The following KIAA1671 variants were observed in gnomAD, a reference collection of about 807,000 sequenced individuals.
KIAA1671 encodes uncharacterized protein KIAA1671.
KIAA1671 carries 52 observed loss-of-function variants against 131.2 expected under a neutral mutation model. The ratio of observed to expected loss-of-function variants is 0.40; its 90% CI spans 0.32 to 0.50. The LOEUF (loss-of-function observed/expected upper bound fraction) is 0.50. KIAA1671 is among the 20% of genes least tolerant of loss of function. The pLI, the probability that KIAA1671 is intolerant of heterozygous loss-of-function variation, is 0.73. For missense variants in KIAA1671, 2,360 were observed against 2,364.2 expected, an observed-to-expected ratio of 1.00 and a Z score of 0.04; for synonymous variants, 1,003 against 961.6, an observed-to-expected ratio of 1.04 and a Z score of -0.80.
chr22:25,164,832 C>A (rs1433283819), intron 6 of KIAA1671, among the ~76,000 whole-genome samples: 1 of 151,956 alleles, frequency 6.6e-6, no homozygotes, highest in Non-Finnish European at 1.5e-5. Context: ...CCTGTAGTCC[C>A]AGCTATTCGG....
intron 11 of KIAA1671, chr22:25,185,469 G>T (rs1343309866): frequency 2.1e-5 from 5 of 235,908 alleles, no homozygotes; most frequent in Non-Finnish European, 4.1e-5. Flanking sequence ...CTTCCCCTTT[G>T]GGGAAGTATC....
At chr22:25,112,209 C>T (rs1300734857) in intron 6 of KIAA1671, 3 of 398,952 alleles carry the variant, frequency 7.5e-6, no homozygotes, top group African/African-American at 6.2e-5. Context: ...CTCACAGTGG[C>T]CCAGACCCAC....
chr22:25,082,008 C>T (rs1412262023), intron 6 of KIAA1671, among the ~76,000 whole-genome samples: 1 of 152,144 alleles, frequency 6.6e-6, no homozygotes, highest in Non-Finnish European at 1.5e-5. Context: ...CTACAGTGAG[C>T]TATGGAAGGC....
intron 6 of KIAA1671, among the ~76,000 whole-genome samples, chr22:25,137,555 CTT>C (rs1932731892): frequency 6.6e-6 from 1 of 152,214 alleles, no homozygotes; most frequent in African/African-American, 2.4e-5. Context: ...AGATTAATCT[CTT>C]GTTTCTTAAA....
At chr22:25,093,296 C>A (rs900346309) in intron 6 of KIAA1671, among the ~76,000 whole-genome samples, 1 of 152,230 alleles carries the variant, frequency 6.6e-6, no homozygotes, top group Non-Finnish European at 1.5e-5. Flanking sequence ...GCCTAGGAAC[C>A]AGATCAGAGG....
intron 1 of KIAA1671, among the ~76,000 whole-genome samples, chr22:25,001,064 T>TAA (rs200103096): frequency 1.3e-5 from 2 of 148,798 alleles, no homozygotes; most frequent in East Asian, 3.9e-4. Flanking sequence ...CTTTTGTGCT[T>TAA]AAAAAAAAAA....
rs573442181 is a variant in KIAA1671, at chr22:25,001,243, G to A, written c.-207-24390G>A. ...TATATGTATGTGTGTGTATATGTGT[G>A]TGTGTGTGTATGTGTGTGTATATAT... On this transcript the variant is annotated intron_variant, in intron 1 of 12. Transcript: ENST00000358431. Among the ~76,000 whole-genome samples, 714 of 144,724 alleles carry A rather than the reference G, an allele frequency of 4.9e-3. 1 individual carries two copies. The highest frequency in any genetic ancestry group is 0.015 in the African/African-American group (632 of 40,828). The allele number at this position is 144,724 out of a possible 152,430, so 94.9% of individuals were successfully genotyped here.
intron 1 of KIAA1671, among the ~76,000 whole-genome samples, chr22:24,998,734 AAG>A (rs1924276176): frequency 6.6e-6 from 1 of 151,518 alleles, no homozygotes; most frequent in Non-Finnish European, 1.5e-5. Context: ...AAAAAAAAAA[AAG>A]AAATTGCATT....
chr22:25,084,217 C>G (rs965294370), intron 6 of KIAA1671, among the ~76,000 whole-genome samples: 27 of 152,164 alleles, frequency 1.8e-4, no homozygotes, highest in South Asian at 6.2e-4. Flanking sequence ...TGGCTTACGT[C>G]TGTAATCCCA....
intron 6 of KIAA1671, among the ~76,000 whole-genome samples, chr22:25,115,989 T>C (rs1204765577): frequency 1.3e-5 from 2 of 152,212 alleles, no homozygotes; most frequent in African/African-American, 4.8e-5. Flanking sequence ...ATGACCAGGC[T>C]GGTCTCGAAC....
rs930615437 is a variant in KIAA1671 at position 25,191,249 on chromosome 22, G to T, written c.*4+465G>T. 3.3e-5 allele frequency among the ~76,000 whole-genome samples: 5 copies of T among 150,114 alleles called. No homozygotes were observed. In the East Asian group the frequency reaches 9.8e-4, roughly 29 times the overall value. On this transcript the variant is annotated intron_variant, in intron 12 of 12. Transcript: ENST00000358431. The stretch of plus-strand genomic sequence containing the variant: ...TGGCTCATTGCGGCCTCTGCCTCCC[G>T]GGTTCAAACGATTCTCCTGCCTCAG...
At chr22:25,084,215 G>A (rs2009716) in intron 6 of KIAA1671, among the ~76,000 whole-genome samples, 56,467 of 152,040 alleles carry the variant, frequency 0.37, 10,787 homozygotes, top group Middle Eastern at 0.44. Flanking sequence ...AGTGGCTTAC[G>A]TCTGTAATCC....
rs992776223 is a variant in KIAA1671 at position 25,038,198 on chromosome 22, C to T, written c.1630-562C>T. Among the ~76,000 whole-genome samples the T allele has an allele frequency of 1.5e-3, 223 of 152,172 alleles. 2 individuals are homozygous for T. The highest frequency in any genetic ancestry group is 0.012 in the Admixed American group (179 of 15,288). ...TATTTTTTTGGTGTAGACAAGGTCTCACTATTTTGCCCAGGCTGGTCTTGG... is the reference window on the plus strand; with the variant it reads ...TATTTTTTTGGTGTAGACAAGGTCTTACTATTTTGCCCAGGCTGGTCTTGG... On this transcript the variant is annotated intron_variant, in intron 4 of 12. Coordinates refer to ENST00000358431, the MANE Select transcript of KIAA1671 (RefSeq NM_001145206.2).
At chr22:24,988,149 G>A (rs898193361) in intron 1 of KIAA1671, among the ~76,000 whole-genome samples, 8 of 152,002 alleles carry the variant, frequency 5.3e-5, no homozygotes, top group Non-Finnish European at 7.4e-5. Context: ...GTGTTATGGC[G>A]TGCATCTGTA....
At chr22:25,091,134 T>C (rs1930007496) in intron 6 of KIAA1671, among the ~76,000 whole-genome samples, 1 of 152,218 alleles carries the variant, frequency 6.6e-6, no homozygotes, top group Non-Finnish European at 1.5e-5. Context: ...TTTGGCTCAC[T>C]GCAACCTTTG....
rs1926893358 is a variant in KIAA1671 at position 25,041,007 on chromosome 22, A to G, written c.3877A>G (p.Ser1293Gly). Residue 1293 changes from serine (S) to glycine (G), a missense_variant, in exon 5 of 13, where the codon AGC (serine) becomes GGC (glycine). Around this residue, in one of 3 missense-constraint regions of KIAA1671, gnomAD observed 1,161 missense variants for 1,204.7 expected, o/e 0.96. Transcript: ENST00000358431. ...GGAGACAGCCATGGGCACCAAATCT[A>G]GCCCTCCCTTCTGGGCTCTGCCACC... ...TLETAMGTKSSPPFWALPPSA... is the reference protein window; with the variant it reads ...TLETAMGTKSGPPFWALPPSA... 1.4e-6 allele frequency: 2 copies of G among 1,479,632 alleles called. No homozygotes were observed. The highest frequency in any genetic ancestry group is 2.8e-5 in the African/African-American group (2 of 70,640). The allele number at this position is 1,479,632 out of a possible 1,614,324, so 91.7% of individuals were successfully genotyped here.
intron 6 of KIAA1671, among the ~76,000 whole-genome samples, chr22:25,088,996 G>A (rs560512461): frequency 1.5e-4 from 23 of 152,176 alleles, no homozygotes; most frequent in Non-Finnish European, 3.2e-4. Flanking sequence ...ATGTATGGTT[G>A]TATCTGTACT....
intron 6 of KIAA1671, among the ~76,000 whole-genome samples, chr22:25,095,767 C>T (rs374371111): frequency 1.4e-4 from 22 of 152,348 alleles, no homozygotes; most frequent in African/African-American, 5.3e-4. Context: ...TCTCGCACAA[C>T]CTCATCTTTG....
chr22:24,963,080 T>C (rs959466457), intron 1 of KIAA1671, among the ~76,000 whole-genome samples: 1 of 152,078 alleles, frequency 6.6e-6, no homozygotes, highest in Non-Finnish European at 1.5e-5. Flanking sequence ...ACTCACTCTC[T>C]CCTTCAGTTG....
Sources: allele counts gnomAD v4.1 joint callset (sites outside exome capture counted in the v4.1 genomes callset), GRCh38; gene constraint gnomAD v4.1.1; regional missense constraint gnomAD v4.1.1; transcripts MANE v1.5; gene names NCBI Gene and HGNC (gene_info 2026-07-23, HGNC 2026-07-21).